The following GRIA1 variants were observed in gnomAD, a reference collection of about 807,000 sequenced individuals.
GRIA1 encodes the protein glutamate ionotropic receptor AMPA type subunit 1.
A neutral mutation model predicts 99.2 loss-of-function variants in GRIA1; 31 were observed. The ratio of observed to expected loss-of-function variants is 0.31; its 90% CI spans 0.23 to 0.42. The LOEUF (loss-of-function observed/expected upper bound fraction) is 0.42. Ranked by LOEUF, GRIA1 falls within the 10% of genes least tolerant of loss-of-function variation. GRIA1 has a pLI of 1.00. For missense variants in GRIA1, 782 were observed against 1,157.5 expected, an observed-to-expected ratio of 0.68 and a Z score of 4.71; for synonymous variants, 438 against 432.4, an observed-to-expected ratio of 1.01 and a Z score of -0.16.
chr5:153,548,976 A>G, intron 2 of GRIA1, among the ~76,000 whole-genome samples: 1 of 125,534 alleles, frequency 8.0e-6, no homozygotes, highest in Non-Finnish European at 2.0e-5. Context: ...TGTGTTCAAC[A>G]GAGTCTTTAT....
At chr5:153,658,910 G>A (rs1159752349) in intron 5 of GRIA1, among the ~76,000 whole-genome samples, 1 of 152,156 alleles carries the variant, frequency 6.6e-6, no homozygotes, top group East Asian at 1.9e-4. Context: ...GCTGCCGGAA[G>A]AGAGGAGGGG....
intron 2 of GRIA1, among the ~76,000 whole-genome samples, chr5:153,623,902 G>A (rs1312136864): frequency 6.6e-6 from 1 of 152,176 alleles, no homozygotes; most frequent in Non-Finnish European, 1.5e-5. Flanking sequence ...AAGATGGTAG[G>A]TGAGCTCTTT....
chr5:153,493,896 C>G (rs750994411), intron 1 of GRIA1, 32 bp from the exon 2 acceptor site: 1 of 1,612,610 alleles, frequency 6.2e-7, no homozygotes, highest in African/African-American at 1.3e-5. Context: ...GTCTCTAGCC[C>G]ATATACCATG....
At chr5:153,619,697 A>C (rs1483987479) in intron 2 of GRIA1, among the ~76,000 whole-genome samples, 3 of 151,900 alleles carry the variant, frequency 2.0e-5, no homozygotes, top group African/African-American at 7.3e-5. Context: ...AATTATTTTA[A>C]AAAAAAGAGA....
At chr5:153,492,752 G>GC (rs1298446468) in intron 1 of GRIA1, among the ~76,000 whole-genome samples, 2 of 151,834 alleles carry the variant, frequency 1.3e-5, no homozygotes, top group Non-Finnish European at 2.9e-5. Flanking sequence ...GCCCTAACTT[G>GC]GTTGTTCAAC....
At chr5:153,756,496 C>A (rs115943397) in intron 11 of GRIA1, among the ~76,000 whole-genome samples, 2,379 of 152,306 alleles carry the variant, frequency 0.016, 65 homozygotes, top group African/African-American at 0.054. Context: ...GGGTTGCCAA[C>A]ATCTGTTCCG....
At chr5:153,505,744 G>A (rs928875438) in intron 2 of GRIA1, among the ~76,000 whole-genome samples, 6 of 152,196 alleles carry the variant, frequency 3.9e-5, no homozygotes, top group African/African-American at 1.2e-4. Context: ...TGGTCTCCAT[G>A]GAGCACTATT....
chr5:153,709,726 T>C (rs945517678), intron 11 of GRIA1, among the ~76,000 whole-genome samples: 2 of 152,220 alleles, frequency 1.3e-5, no homozygotes, highest in Non-Finnish European at 2.9e-5. Flanking sequence ...GCCTTCTATT[T>C]CTGTCTTTTT....
chr5:153,808,763 T>A (rs966680365), intron 15 of GRIA1, among the ~76,000 whole-genome samples: 3 of 152,200 alleles, frequency 2.0e-5, no homozygotes, highest in Admixed American at 1.3e-4. Context: ...TCTCCTGACT[T>A]TCATAAATGT....
chr5:153,605,016 G>A (rs1274238251), intron 2 of GRIA1, among the ~76,000 whole-genome samples: 5 of 151,920 alleles, frequency 3.3e-5, no homozygotes, highest in South Asian at 2.1e-4. Flanking sequence ...GCAAAACCCC[G>A]TCTCTACTAA....
At chr5:153,740,966 C>CTTTTTTTTTT (rs10601141) in intron 11 of GRIA1, among the ~76,000 whole-genome samples, 2 of 76,822 alleles carry the variant, frequency 2.6e-5, no homozygotes, top group Non-Finnish European at 4.5e-5. Context: ...AAGAAATTGG[C>CTTTTTTTTTT]TTTTTTTTTT....
At position 153,491,390 on chromosome 5, in the gene GRIA1, T is replaced by A. The variant is rs368331939; in HGVS notation, c.82+420T>A. 1.8e-5 allele frequency: 14 copies of A among 765,188 alleles called. No individual in the cohort carries two copies. The South Asian group carries it at 3.9e-4, about 21-fold the overall frequency. 47.4% of individuals were successfully genotyped at this position (765,188 alleles called of 1,614,324 possible). On this transcript the variant is annotated intron_variant, in intron 1 of 15. Transcript: ENST00000285900. ...TGTGATTATATATTACATATGCACA[T>A]ATATATGTAATTGAAGGAGGCAGTG...
intron 2 of GRIA1, among the ~76,000 whole-genome samples, chr5:153,596,405 T>C (rs758197323): frequency 3.3e-5 from 5 of 152,238 alleles, no homozygotes; most frequent in Non-Finnish European, 5.9e-5. Context: ...CATTGTGGCT[T>C]CCAGCTGACA....
intron 8 of GRIA1, among the ~76,000 whole-genome samples, chr5:153,695,975 C>T (rs544454586): frequency 6.6e-6 from 1 of 152,162 alleles, no homozygotes; most frequent in Non-Finnish European, 1.5e-5. Flanking sequence ...ATGTTTATTT[C>T]AGTCTTGTCC....
intron 2 of GRIA1, among the ~76,000 whole-genome samples, chr5:153,517,773 A>C (rs1756765566): frequency 6.6e-6 from 1 of 152,194 alleles, no homozygotes; most frequent in Non-Finnish European, 1.5e-5. Context: ...ATATCACTAC[A>C]TTAACCTCCT....
chr5:153,551,214 G>T (rs1048019837), intron 2 of GRIA1, among the ~76,000 whole-genome samples: 2 of 152,132 alleles, frequency 1.3e-5, no homozygotes, highest in Admixed American at 6.6e-5. Flanking sequence ...GGCCTTGCTC[G>T]GTCATGCATA....
intron 13 of GRIA1, among the ~76,000 whole-genome samples, chr5:153,778,101 GA>G (rs1370023807): frequency 2.0e-5 from 3 of 151,814 alleles, no homozygotes; most frequent in East Asian, 3.9e-4. Context: ...AGGAGAGATA[GA>G]AAAAAATGGG....
intron 13 of GRIA1, among the ~76,000 whole-genome samples, chr5:153,777,702 TG>T (rs1764352070): frequency 1.3e-5 from 2 of 152,230 alleles, no homozygotes; most frequent in East Asian, 3.9e-4. Flanking sequence ...TCACACACAC[TG>T]GCTGCATTAG....
intron 2 of GRIA1, among the ~76,000 whole-genome samples, chr5:153,588,749 C>G (rs1316520067): frequency 6.6e-6 from 1 of 152,000 alleles, no homozygotes; most frequent in Non-Finnish European, 1.5e-5. Context: ...GACTATACAG[C>G]CTACTCACTA....
Sources: allele counts gnomAD v4.1 joint callset (sites outside exome capture counted in the v4.1 genomes callset), GRCh38; gene constraint gnomAD v4.1.1; transcripts MANE v1.5; gene names NCBI Gene and HGNC (gene_info 2026-07-23, HGNC 2026-07-21).